The following DRC8 variants were observed in gnomAD, a reference collection of about 807,000 sequenced individuals.
DRC8 encodes dynein regulatory complex subunit 8.
At chr1:244,988,639 T>G in the DRC8 span, among the ~76,000 whole-genome samples, 3 of 152,172 alleles carry the variant, frequency 2.0e-5, no homozygotes, top group African/African-American at 7.2e-5. Flanking sequence ...TAACACTGAG[T>G]GTGACATTAG....
chr1:245,070,846 G>A, the DRC8 span, among the ~76,000 whole-genome samples: 3 of 152,216 alleles, frequency 2.0e-5, no homozygotes, highest in Non-Finnish European at 2.9e-5. Context: ...CAATTAAGTC[G>A]AGAGAGTAGA....
At chr1:245,065,058 G>A in the DRC8 span, among the ~76,000 whole-genome samples, 2 of 131,270 alleles carry the variant, frequency 1.5e-5, no homozygotes, top group Non-Finnish European at 3.3e-5. Flanking sequence ...GACTGGACTA[G>A]TCTTTAACAT....
chr1:245,020,613 CTTTTTTTTTTTTTTT>C, the DRC8 span, among the ~76,000 whole-genome samples: 6 of 59,712 alleles, frequency 1.0e-4, no homozygotes, highest in Non-Finnish European at 1.8e-4. Flanking sequence ...GTTTTTCTTT[CTTTTTTTTTTTTTTT>C]TTTTTTTTTT....
the DRC8 span, among the ~76,000 whole-genome samples, chr1:245,038,157 A>G: frequency 6.6e-6 from 1 of 152,204 alleles, no homozygotes; most frequent in Admixed American, 6.5e-5. Context: ...GTTAGCAAGA[A>G]TAGGCAAGAA....
At chr1:245,045,252 C>T in the DRC8 span, among the ~76,000 whole-genome samples, 3 of 152,142 alleles carry the variant, frequency 2.0e-5, no homozygotes, top group Non-Finnish European at 4.4e-5. Context: ...ACAGGTGGTC[C>T]TCCCGCCTCA....
At chr1:245,020,901 A>G in the DRC8 span, among the ~76,000 whole-genome samples, 1 of 151,526 alleles carries the variant, frequency 6.6e-6, no homozygotes, top group Non-Finnish European at 1.5e-5. Flanking sequence ...AAGTGCTGGG[A>G]TTACAGGCGT....
chr1:245,121,118 A>G, the DRC8 span, among the ~76,000 whole-genome samples: 1 of 152,258 alleles, frequency 6.6e-6, no homozygotes, highest in South Asian at 2.1e-4. Flanking sequence ...TGAAACTCAT[A>G]CAAATGTTAT....
chr1:244,982,362 G>A, the DRC8 span, among the ~76,000 whole-genome samples: 1 of 152,118 alleles, frequency 6.6e-6, no homozygotes, highest in Non-Finnish European at 1.5e-5. Flanking sequence ...AAAGAACTGT[G>A]ATTAATATGT....
chr1:244,969,962 T>A, the DRC8 span: 1 of 517,108 alleles, frequency 1.9e-6, no homozygotes, highest in South Asian at 2.8e-5. Context: ...CACCTAGCTC[T>A]CCGGCGCTTT....
the DRC8 span, chr1:245,002,263 C>T: frequency 1.9e-6 from 3 of 1,547,224 alleles, no homozygotes; most frequent in Non-Finnish European, 2.6e-6. Context: ...CTCCCCATCA[C>T]TGTGTCAATC....
At chr1:244,979,250 T>G in the DRC8 span, among the ~76,000 whole-genome samples, 1 of 151,608 alleles carries the variant, frequency 6.6e-6, no homozygotes, top group African/African-American at 2.4e-5. Context: ...TGCTGAATGT[T>G]GAATCAAAGT....
the DRC8 span, among the ~76,000 whole-genome samples, chr1:245,005,982 T>C: frequency 6.6e-6 from 1 of 152,236 alleles, no homozygotes; most frequent in Non-Finnish European, 1.5e-5. Flanking sequence ...GAAAAAGCAT[T>C]ATCACTGGGA....
At chr1:245,114,645 G>T in the DRC8 span, among the ~76,000 whole-genome samples, 6 of 152,258 alleles carry the variant, frequency 3.9e-5, no homozygotes, top group South Asian at 1.2e-3. Flanking sequence ...CTGCCTGTTC[G>T]TTTGGTGAAA....
the DRC8 span, among the ~76,000 whole-genome samples, chr1:245,048,707 C>T: frequency 6.6e-6 from 1 of 152,078 alleles, no homozygotes. Flanking sequence ...AACACACATA[C>T]CTATTTATAC....
chr1:245,072,616 C>T, the DRC8 span, among the ~76,000 whole-genome samples: 1 of 152,196 alleles, frequency 6.6e-6, no homozygotes, highest in Non-Finnish European at 1.5e-5. Context: ...TTTGTCCACA[C>T]CCATTGAATG....
the DRC8 span, among the ~76,000 whole-genome samples, chr1:245,081,382 C>T: frequency 8.5e-5 from 13 of 152,212 alleles, no homozygotes; most frequent in Middle Eastern, 0.014. Flanking sequence ...AGGATGGTCT[C>T]CATCTGCTGA....
At chr1:244,977,155 T>G in the DRC8 span, among the ~76,000 whole-genome samples, 1 of 152,116 alleles carries the variant, frequency 6.6e-6, no homozygotes, top group Non-Finnish European at 1.5e-5. Flanking sequence ...TGGGAAGTTG[T>G]TTAAGGAGTG....
chr1:244,986,375 A>G, the DRC8 span, among the ~76,000 whole-genome samples: 1 of 152,212 alleles, frequency 6.6e-6, no homozygotes, highest in Non-Finnish European at 1.5e-5. Context: ...AGCATAGCTT[A>G]TTAGAGGAGT....
At chr1:244,996,445 T>C in the DRC8 span, among the ~76,000 whole-genome samples, 1 of 152,164 alleles carries the variant, frequency 6.6e-6, no homozygotes, top group South Asian at 2.1e-4. Context: ...ATATGGACGT[T>C]ACCAGGAGGC....
Sources: gnomAD v4.1 joint callset for allele counts (sites outside exome capture counted in the v4.1 genomes callset) on GRCh38, gnomAD v4.1.1 for gene constraint, MANE v1.5 for transcripts, NCBI Gene and HGNC (gene_info 2026-07-23, HGNC 2026-07-21) for gene names.